DPYSL4: variants seen among roughly 807,000 people sequenced by gnomAD.
DPYSL4 encodes the protein dihydropyrimidinase like 4.
In DPYSL4, 43 loss-of-function variants were observed where a neutral mutation model predicts 63.4. The ratio of observed to expected loss-of-function variants is 0.68; its 90% confidence interval spans 0.53 to 0.88. The LOEUF (loss-of-function observed/expected upper bound fraction) is 0.88, where lower values mean the gene tolerates loss of function less well. Ranked by LOEUF, DPYSL4 falls within the 40% of genes least tolerant of loss-of-function variation. The probability of loss-of-function intolerance (pLI) is 0.00; values close to 1 mark genes in which losing one functional copy is unlikely to be tolerated. For synonymous variants in DPYSL4, 353 were observed against 331.7 expected, an observed-to-expected ratio of 1.06 and a Z score of -0.70; for missense variants, 733 against 819.5, an observed-to-expected ratio of 0.89 and a Z score of 1.29.
chr10:132,203,841 G>T lies in DPYSL4; in HGVS notation c.1541G>T (p.Ser514Ile). 1 of 1,613,000 alleles carries T rather than the reference G, an allele frequency of 6.2e-7. No homozygotes were observed. The highest frequency in any genetic ancestry group is 1.1e-5 in the South Asian group (1 of 91,068). ...HEVMVPAKPG[S>I]GAPARASCPG... Reference sequence around the variant, plus strand: ...GTGATGGTGCCTGCCAAGCCAGGGAGTGGCGCTCCGGCCCGCGCGTCCTGC... The same window carrying T: ...GTGATGGTGCCTGCCAAGCCAGGGATTGGCGCTCCGGCCCGCGCGTCCTGC... Residue 514 changes from serine to isoleucine, a missense_variant, in exon 13 of 14, where the codon AGT becomes ATT. Ser to Ile is a moderately radical substitution (Grantham distance 142, BLOSUM62 -2). Coordinates refer to ENST00000338492, the MANE Select transcript of DPYSL4 (RefSeq NM_006426.3).
chr10:132,194,773 T>TGC, intron 3 of DPYSL4, 72 bp from the exon 4 acceptor site: 1 of 1,555,154 alleles, frequency 6.4e-7, no homozygotes, highest in Non-Finnish European at 8.8e-7. Context: ...TGAAACAGAA[T>TGC]CTCCCATGGA....
At chr10:132,187,129 GC>G (rs1372480004) in intron 1 of DPYSL4, 27 bp downstream of exon 1, 7 of 1,508,650 alleles carry the variant, frequency 4.6e-6, no homozygotes, top group Admixed American at 2.0e-5. Flanking sequence ...TTCGCCCGGC[GC>G]CCCCTGCCCG....
Position 132,199,015 on chromosome 10 carries a change from C to T in DPYSL4, c.811+44C>T, listed in dbSNP as rs554545108. ...CTCTGATGCCGAGGGGCCATGGTCTCGGCCTCCTGGGTGCAGCCCTGGGGA... is the reference window on the plus strand; with the variant it reads ...CTCTGATGCCGAGGGGCCATGGTCTTGGCCTCCTGGGTGCAGCCCTGGGGA... On this transcript the variant is annotated intron_variant, in intron 8 of 13. Coordinates refer to ENST00000338492, the MANE Select transcript of DPYSL4 (RefSeq NM_006426.3). 69 of 1,594,022 alleles carry T rather than the reference C, an allele frequency of 4.3e-5. 1 individual carries two copies. In the East Asian group the frequency reaches 1.4e-3, roughly 32 times the overall value.
rs750581011 is a variant in DPYSL4 at position 132,198,806 on chromosome 10, C to A, written c.691-45C>A. The A allele has an allele frequency of 1.1e-5, 17 of 1,606,608 alleles. No homozygotes were observed. The Admixed American group carries it at 1.7e-4, about 16-fold the overall frequency. On this transcript the variant is annotated intron_variant, in intron 7 of 13. Coordinates refer to ENST00000338492, the MANE Select transcript of DPYSL4 (RefSeq NM_006426.3). ...CCCCATTGCCCACACTGGTCTGGAG[C>A]CCCAGGGCCCTCGTGTGGCCTCATC...
chr10:132,202,129 G>C lies in DPYSL4; in HGVS notation c.1281+13G>C. 1 of 1,608,518 alleles carries C rather than the reference G, an allele frequency of 6.2e-7. No individual in the cohort carries two copies. On this transcript the variant is annotated intron_variant, in intron 11 of 13. Coordinates refer to ENST00000338492, the MANE Select transcript of DPYSL4 (RefSeq NM_006426.3). ...GACCCACAATCTGGTAAGAGAAGGCGGCTGTAAGTCAGGGTTGGCCTTTGT... is the reference window on the plus strand; with the variant it reads ...GACCCACAATCTGGTAAGAGAAGGCCGCTGTAAGTCAGGGTTGGCCTTTGT...
At position 132,203,884 on chromosome 10, in the gene DPYSL4, C is replaced by T. The variant is rs1052556; in HGVS notation, c.1584C>T (p.Val528=). ...CGTCCTGCCCAGGCAAGATCTCCGT[C>T]CCTCCTGTGCGCAACCTACATCAGT... The part of the protein sequence containing the change: ...ARASCPGKIS[V]PPVRNLHQSG... The change falls in exon 13 of 14, where the codon GTC becomes GTT. Residue 528 remains valine (V), a synonymous_variant. Coordinates refer to ENST00000338492, the MANE Select transcript of DPYSL4 (RefSeq NM_006426.3). 1.3e-5 allele frequency: 21 copies of T among 1,612,326 alleles called. No homozygotes were observed. Among genetic ancestry groups the T allele is most frequent in the Non-Finnish European group, 1.7e-5 (20 of 1,179,254 alleles).
chr10:132,200,546 C>T (rs377204030), intron 9 of DPYSL4, 34 bp downstream of exon 9: 63 of 1,608,626 alleles, frequency 3.9e-5, no homozygotes, highest in Admixed American at 1.0e-4. Flanking sequence ...CCAGGTTGGC[C>T]GCCCGCTGCA....
At chr10:132,189,698 A>G (rs953240497) in intron 1 of DPYSL4, among the ~76,000 whole-genome samples, 2 of 152,052 alleles carry the variant, frequency 1.3e-5, no homozygotes, top group African/African-American at 2.4e-5. Context: ...GTCCCTTCCC[A>G]TAGTCCTGTC....
Position 132,198,489 on chromosome 10 carries a change from A to G in DPYSL4, c.690+6A>G. 1 of 1,598,088 alleles carries G rather than the reference A, an allele frequency of 6.3e-7. No homozygotes were observed. Among genetic ancestry groups the G allele is most frequent in the Non-Finnish European group, 8.5e-7 (1 of 1,175,668 alleles). ...TGCTCAGCCACCCCGAGGAGGTAAG[A>G]TCCCAGGGCACCACAGCACACCCGA... On this transcript the variant is annotated splice_donor_region_variant and intron_variant, in intron 7 of 13. Coordinates refer to ENST00000338492, the MANE Select transcript of DPYSL4 (RefSeq NM_006426.3).
intron 7 of DPYSL4, among the ~76,000 whole-genome samples, 160 bp from the exon 8 acceptor site, chr10:132,198,691 G>C (rs1460323954): frequency 6.6e-6 from 1 of 152,204 alleles, no homozygotes; most frequent in Non-Finnish European, 1.5e-5. Context: ...CCAGAAGGTG[G>C]CGTGGGCAGG....
chr10:132,204,569 C>T (rs1215360909), intron 13 of DPYSL4, among the ~76,000 whole-genome samples: 5 of 152,134 alleles, frequency 3.3e-5, no homozygotes, highest in South Asian at 2.1e-4. Flanking sequence ...AGGACTGGCC[C>T]GGGTTCCTCT....
Position 132,200,634 on chromosome 10 carries a change from G to A in DPYSL4, c.968+122G>A, listed in dbSNP as rs1172556734. 9 of 1,419,352 alleles carry A rather than the reference G, an allele frequency of 6.3e-6. No homozygotes were observed. In the Admixed American group the frequency reaches 2.0e-4, roughly 32 times the overall value. The allele number at this position is 1,419,352 out of a possible 1,614,324, so 87.9% of individuals were successfully genotyped here. On this transcript the variant is annotated intron_variant, in intron 9 of 13. Coordinates refer to ENST00000338492, the MANE Select transcript of DPYSL4 (RefSeq NM_006426.3). ...TAGGGCAGCCCGGACAGTGGCGGGT[G>A]GGGAAGTCTGAGCCCTTTGGTCCCA... is the stretch of plus-strand genomic sequence containing the variant.
chr10:132,197,001 GCCA>G lies in DPYSL4; in HGVS notation c.541-15_541-13del, dbSNP rs2061954481. 6.2e-7 allele frequency: 1 copy of G among 1,611,814 alleles called. No individual in the cohort carries two copies. The highest frequency in any genetic ancestry group is 8.5e-7 in the Non-Finnish European group (1 of 1,179,018). On this transcript the variant is annotated splice_polypyrimidine_tract_variant and intron_variant, in intron 5 of 13. Transcript: ENST00000338492. ...GTGCAGGCGCAGCCCCACCCAGGAC[GCCA>G]CCACTTCTCTTCCCAGATGTACGAG...
intron 1 of DPYSL4, among the ~76,000 whole-genome samples, chr10:132,187,637 G>A (rs911429286): frequency 6.6e-6 from 1 of 152,214 alleles, no homozygotes; most frequent in Non-Finnish European, 1.5e-5. Context: ...GAGACAAAGC[G>A]ATTTAGCCCC....
chr10:132,190,662 C>T (rs2061862481), intron 1 of DPYSL4, 85 bp from the exon 2 acceptor site: 7 of 1,341,264 alleles, frequency 5.2e-6, no homozygotes, highest in Middle Eastern at 1.9e-4. Flanking sequence ...ATGTTTCAGT[C>T]ATAATTTCAG....
At position 132,205,140 on chromosome 10, in the gene DPYSL4, A is replaced by G. The variant is rs1039192697; in HGVS notation, c.*210A>G. 7 of 413,468 alleles carry G rather than the reference A, an allele frequency of 1.7e-5. No individual in the cohort carries two copies. Among genetic ancestry groups the G allele is most frequent in the Non-Finnish European group, 3.0e-5 (7 of 233,160 alleles). 25.6% of individuals were successfully genotyped at this position (413,468 alleles called of 1,614,324 possible). On this transcript the variant is annotated 3_prime_UTR_variant, in exon 14 of 14. Transcript: ENST00000338492. ...CAAGAGAAGGGCTGAACCTGGGGAG[A>G]TGTCACTGCCAGGGTGAGGTGGAGC...
intron 4 of DPYSL4, among the ~76,000 whole-genome samples, chr10:132,196,245 G>A (rs1036290564): frequency 5.3e-5 from 8 of 152,216 alleles, no homozygotes; most frequent in Non-Finnish European, 1.2e-4. Flanking sequence ...CCTGGGGGAG[G>A]TGGATGGGCT....
At chr10:132,202,236 C>T (rs2062028018) in intron 11 of DPYSL4, 120 bp downstream of exon 11, 1 of 1,300,688 alleles carries the variant, frequency 7.7e-7, no homozygotes, top group Admixed American at 2.4e-5. Flanking sequence ...CTCAGCCATC[C>T]CAGGGCCGTC....
In DPYSL4 at chr10:132,204,989, G is replaced by GGGCACTCGCCCCCC. The variant is rs2062077307; in HGVS notation, c.*60_*73dup. ...CCCACCCGAGGCCGCGGGGGCCCCAGGGCACTCGCCCCCCTCCTTAGCATT... is the reference window on the plus strand; with the variant it reads ...CCCACCCGAGGCCGCGGGGGCCCCAGGGCACTCGCCCCCCGGCACTCGCCCCCCTCCTTAGCATT... On this transcript the variant is annotated 3_prime_UTR_variant, in exon 14 of 14. Coordinates refer to ENST00000338492, the MANE Select transcript of DPYSL4 (RefSeq NM_006426.3). 1 of 1,394,316 alleles carries GGGCACTCGCCCCCC rather than the reference G, an allele frequency of 7.2e-7. No individual in the cohort carries two copies. 86.4% of individuals were successfully genotyped at this position (1,394,316 alleles called of 1,614,324 possible).
Sources: allele counts gnomAD v4.1 joint callset (sites outside exome capture counted in the v4.1 genomes callset), GRCh38; gene constraint gnomAD v4.1.1; transcripts MANE v1.5; gene names NCBI Gene and HGNC (gene_info 2026-07-23, HGNC 2026-07-21).